Variants in MYO1C observed in about 807,000 individuals in gnomAD.
MYO1C encodes the protein myosin IC, also known as unconventional myosin-Ic.
MYO1C carries 104 observed loss-of-function variants against 150.8 expected under a neutral mutation model. That is an observed-to-expected ratio of 0.69 (90% CI 0.59 to 0.81). The LOEUF (loss-of-function observed/expected upper bound fraction) is 0.81, where lower values mean the gene tolerates loss of function less well. Ranked by LOEUF, MYO1C falls within the 30% of genes least tolerant of loss-of-function variation. The probability of loss-of-function intolerance (pLI) is 0.00; values close to 1 mark genes in which losing one functional copy is unlikely to be tolerated. For synonymous variants in MYO1C, 663 were observed against 579.9 expected (o/e 1.14, Z -2.06); for missense variants, 1,504 against 1,435.0 (o/e 1.05, Z -0.78).
Position 1,477,522 on chromosome 17 carries a change from G to C in MYO1C, c.1557C>G (p.His519Gln). 6.2e-7 allele frequency: 1 copy of C among 1,613,678 alleles called. No individual in the cohort carries two copies. Among genetic ancestry groups the C allele is most frequent in the Non-Finnish European group, 8.5e-7 (1 of 1,179,986 alleles). ...CCACTCACGTCAGGAAGTGTGGATG[G>C]TGCTTGACAGTATCCTCCAGCTTCT... ...FLEKLEDTVKHHPHFLTHKLA... is the reference protein window; with the variant it reads ...FLEKLEDTVKQHPHFLTHKLA... The change falls in exon 14 of 32, where the codon CAC (histidine) becomes CAG (glutamine). Residue 519 changes from histidine to glutamine, a missense_variant. Coordinates refer to ENST00000648651, the MANE Select transcript of MYO1C (RefSeq NM_001080779.2).
chr17:1,492,292 C>G, intron 1 of MYO1C, 121 bp downstream of exon 1: 1 of 972,576 alleles, frequency 1.0e-6, no homozygotes, highest in Middle Eastern at 2.4e-4. Context: ...GTTCTGGCCC[C>G]GCCAAGGATC....
intron 1 of MYO1C, chr17:1,485,236 C>T: frequency 8.6e-7 from 1 of 1,165,070 alleles, no homozygotes; most frequent in Non-Finnish European, 1.1e-6. Context: ...AACAGGGTCT[C>T]AGGGCTCCAA....
chr17:1,486,293 G>A (rs1273745173), intron 1 of MYO1C: 5 of 152,270 alleles, frequency 3.3e-5, no homozygotes, highest in African/African-American at 4.8e-5. Context: ...AACCCAGGAA[G>A]ATCTTGGTTT....
chr17:1,488,665 T>C (rs2074695621), intron 1 of MYO1C, among the ~76,000 whole-genome samples: 1 of 152,352 alleles, frequency 6.6e-6, no homozygotes. Context: ...TTATCAGGGC[T>C]ACCAGGGCTG....
At chr17:1,487,570 CAG>C (rs1175145296) in intron 1 of MYO1C, among the ~76,000 whole-genome samples, 2 of 151,450 alleles carry the variant, frequency 1.3e-5, no homozygotes, top group Non-Finnish European at 2.9e-5. Context: ...GCGTCTCGGA[CAG>C]AGGCGGGGGA....
chr17:1,478,385 G>C lies in MYO1C; in HGVS notation c.1295+25C>G, dbSNP rs1168399358. 2 of 1,613,650 alleles carry C rather than the reference G, an allele frequency of 1.2e-6. No individual in the cohort carries two copies. Among genetic ancestry groups the C allele is most frequent in the South Asian group, 2.2e-5 (2 of 91,076 alleles). ...GGAGCAGGACAGGAGACCGGGAGGA[G>C]AGACGGGGGAAAGATGGCACCGACC... On this transcript the variant is annotated intron_variant, in intron 11 of 31. Transcript: ENST00000648651. This position sits in a 1 kb window ranked among gnomAD's most constrained non-coding sequence, Gnocchi z 6.3.
intron 5 of MYO1C, among the ~76,000 whole-genome samples, chr17:1,481,826 TAA>T (rs36123893): frequency 1.0e-4 from 14 of 134,498 alleles, no homozygotes; most frequent in Non-Finnish European, 1.4e-4. Context: ...TACTCAGAGT[TAA>T]AAAAAAAAAA....
chr17:1,468,187 A>T (rs2074221055), intron 27 of MYO1C, 64 bp from the exon 28 acceptor site: 1 of 1,610,916 alleles, frequency 6.2e-7, no homozygotes, highest in African/African-American at 1.3e-5. Context: ...CCCTGCCCTG[A>T]CCTGCCTTCA....
chr17:1,476,214 T>C (rs986419966), intron 14 of MYO1C, among the ~76,000 whole-genome samples: 1 of 151,822 alleles, frequency 6.6e-6, no homozygotes, highest in African/African-American at 2.4e-5. Context: ...AGTCTCACTC[T>C]GTCATCCAGG....
At chr17:1,473,476 G>A (rs1365412152) in intron 17 of MYO1C, among the ~76,000 whole-genome samples, 3 of 151,362 alleles carry the variant, frequency 2.0e-5, no homozygotes, top group South Asian at 2.1e-4. Flanking sequence ...TGGGGTGGAC[G>A]GCAGCAGCGG....
intron 14 of MYO1C, 119 bp downstream of exon 14, chr17:1,477,386 G>T: frequency 1.1e-6 from 1 of 913,114 alleles, no homozygotes; most frequent in Non-Finnish European, 1.8e-6. Flanking sequence ...CCTTAACTCA[G>T]CACCGTCCCT....
At chr17:1,485,364 G>GGCGTCACTCAGGGCCCGGCCGGT in intron 1 of MYO1C, 1 of 1,091,554 alleles carries the variant, frequency 9.2e-7, no homozygotes. Flanking sequence ...TTCTGGCCGG[G>GGCGTCACTCAGGGCCCGGCCGGT]GGCCTGCCCC....
intron 17 of MYO1C, among the ~76,000 whole-genome samples, chr17:1,473,733 T>C (rs1027059973): frequency 1.3e-5 from 2 of 152,132 alleles, no homozygotes; most frequent in Non-Finnish European, 2.9e-5. Flanking sequence ...GCTTTCCTGC[T>C]CACCTCATGG....
rs931226157 is a variant in MYO1C, at chr17:1,464,873, T to G, written c.*853A>C. On this transcript the variant is annotated 3_prime_UTR_variant, in exon 32 of 32. Coordinates refer to ENST00000648651, the MANE Select transcript of MYO1C (RefSeq NM_001080779.2). ...TGTTGCCCAGGCTGGAGTGCAGTGG[T>G]GTACTCTTGGCTCACTGCAACCTCC... is the stretch of plus-strand genomic sequence containing the variant. 5 of 150,866 alleles carry G rather than the reference T, an allele frequency of 3.3e-5. No homozygotes were observed. 9.3% of individuals were successfully genotyped at this position (150,866 alleles called of 1,614,324 possible). A position where few individuals can be genotyped will look rare whatever the true frequency, so the allele number is the denominator to read the frequency against.
chr17:1,468,141 G>C lies in MYO1C; in HGVS notation c.2761-18C>G. On this transcript the variant is annotated intron_variant, in intron 27 of 31. Coordinates refer to ENST00000648651, the MANE Select transcript of MYO1C (RefSeq NM_001080779.2). ...ACCGCATACTGGGGACAGAGGCCAG[G>C]CTGAAGGGGCTGGGGAGAGGCTCCC... The C allele has an allele frequency of 1.9e-6, 3 of 1,613,050 alleles. No homozygotes were observed. Among genetic ancestry groups the C allele is most frequent in the South Asian group, 1.1e-5 (1 of 91,084 alleles).
chr17:1,477,119 G>A (rs189816756), intron 14 of MYO1C, among the ~76,000 whole-genome samples: 50 of 151,920 alleles, frequency 3.3e-4, no homozygotes, highest in African/African-American at 1.2e-3. Flanking sequence ...GATTACAGGC[G>A]TGAGCCACTG....
rs757773990 is a variant in MYO1C at position 1,478,389 on chromosome 17, C to T, written c.1295+21G>A. ...CAGGACAGGAGACCGGGAGGAGAGA[C>T]GGGGGAAAGATGGCACCGACCTGTT... On this transcript the variant is annotated intron_variant, in intron 11 of 31. Coordinates refer to ENST00000648651, the MANE Select transcript of MYO1C (RefSeq NM_001080779.2). This position sits in a 1 kb window ranked among gnomAD's most constrained non-coding sequence, Gnocchi z 6.3. The T allele has an allele frequency of 2.4e-5, 38 of 1,613,792 alleles. No individual in the cohort carries two copies. Among genetic ancestry groups the T allele is most frequent in the Admixed American group, 3.3e-5 (2 of 60,010 alleles).
Position 1,472,231 on chromosome 17 carries a change from G to A in MYO1C, c.1798-3C>T. On this transcript the variant is annotated splice_polypyrimidine_tract_variant and splice_region_variant and intron_variant, in intron 17 of 31. Coordinates refer to ENST00000648651, the MANE Select transcript of MYO1C (RefSeq NM_001080779.2). ...CTCATCTTGAACTGGGTGGCGACCT[G>A]GCGAGCCAAGAGGCATGGGAGGTTG... is the stretch of plus-strand genomic sequence containing the variant. 6.2e-7 allele frequency: 1 copy of A among 1,613,964 alleles called. No individual in the cohort carries two copies.
chr17:1,477,574 C>A lies in MYO1C; in HGVS notation c.1505G>T (p.Gly502Val). Reference protein sequence around the residue: ...SILDEECLRPGEATDLTFLEK... With the variant: ...SILDEECLRPVEATDLTFLEK... ...CAGGAAGGTCAGGTCTGTGGCCTCC[C>A]CGGGGCGCAGACACTCCTCATCCTG... The change falls in exon 14 of 32, where the codon GGG (glycine) becomes GTG (valine). Residue 502 changes from glycine (G) to valine (V), a missense_variant. Gly to Val is a moderately radical substitution (Grantham distance 109, BLOSUM62 -3). Coordinates refer to ENST00000648651, the MANE Select transcript of MYO1C (RefSeq NM_001080779.2). 6.2e-7 allele frequency: 1 copy of A among 1,613,512 alleles called. No individual in the cohort carries two copies. The highest frequency in any genetic ancestry group is 1.1e-5 in the South Asian group (1 of 91,074).
Sources: allele counts gnomAD v4.1 joint callset (sites outside exome capture counted in the v4.1 genomes callset), GRCh38; gene constraint gnomAD v4.1.1; non-coding constraint Gnocchi (gnomAD v3.1); transcripts MANE v1.5; gene names NCBI Gene and HGNC (gene_info 2026-07-23, HGNC 2026-07-21).